Variants in KIAA1217 observed in about 807,000 individuals in gnomAD.
The protein encoded by KIAA1217 is KIAA1217.
In KIAA1217, 88 loss-of-function variants were observed where a neutral mutation model predicts 163.9. That is an observed-to-expected ratio of 0.54 (90% CI 0.45 to 0.64). The LOEUF is 0.64. Ranked by LOEUF, KIAA1217 falls within the 30% of genes least tolerant of loss-of-function variation. The pLI is 0.00. For missense variants in KIAA1217, 2,372 were observed against 2,475.0 expected, an observed-to-expected ratio of 0.96 and a Z score of 0.88; for synonymous variants, 903 against 923.1, an observed-to-expected ratio of 0.98 and a Z score of 0.39.
chr10:24,220,073 G>T (rs757058575), intron 2 of KIAA1217, among the ~76,000 whole-genome samples, 164 bp downstream of exon 2: 4 of 152,194 alleles, frequency 2.6e-5, no homozygotes, highest in African/African-American at 9.7e-5. Context: ...GAAGCCGGGT[G>T]TAGAAAACTT....
intron 2 of KIAA1217, among the ~76,000 whole-genome samples, chr10:24,203,595 A>G (rs986095675): frequency 6.8e-6 from 1 of 147,976 alleles, no homozygotes; most frequent in Non-Finnish European, 1.5e-5. Flanking sequence ...CAGCTTTGAG[A>G]AATGGCAGAG....
intron 2 of KIAA1217, among the ~76,000 whole-genome samples, chr10:24,338,780 G>C (rs2046710973): frequency 6.6e-6 from 1 of 151,362 alleles, no homozygotes; most frequent in Non-Finnish European, 1.5e-5. Flanking sequence ...TTTTTTTGTG[G>C]GCTAGGAAAT....
chr10:24,291,589 C>T (rs996034087), intron 2 of KIAA1217, among the ~76,000 whole-genome samples: 4 of 152,260 alleles, frequency 2.6e-5, no homozygotes, highest in Admixed American at 1.3e-4. Context: ...CTCTTTGGAG[C>T]GTGAGGACAC....
At chr10:23,825,365 T>A (rs929727935) in intron 1 of KIAA1217, among the ~76,000 whole-genome samples, 3 of 152,238 alleles carry the variant, frequency 2.0e-5, no homozygotes, top group Non-Finnish European at 4.4e-5. Flanking sequence ...CAGCTTTTCC[T>A]TATCTTTGCA....
At chr10:24,304,697 C>T (rs919251135) in intron 2 of KIAA1217, among the ~76,000 whole-genome samples, 6 of 152,094 alleles carry the variant, frequency 3.9e-5, no homozygotes, top group African/African-American at 1.4e-4. Context: ...TTGGGGAAGG[C>T]TTCTGTAAAG....
At chr10:24,305,855 C>A (rs1214513318) in intron 2 of KIAA1217, among the ~76,000 whole-genome samples, 1 of 152,074 alleles carries the variant, frequency 6.6e-6, no homozygotes, top group Non-Finnish European at 1.5e-5. Context: ...GCAGAGACCT[C>A]AGCCTGGAAG....
At chr10:24,136,591 A>G (rs1564742192) in intron 2 of KIAA1217, among the ~76,000 whole-genome samples, 1 of 152,166 alleles carries the variant, frequency 6.6e-6, no homozygotes, top group Non-Finnish European at 1.5e-5. Flanking sequence ...TACACTGATG[A>G]TCCCACCTTT....
At chr10:24,372,128 G>A (rs774618996) in intron 2 of KIAA1217, among the ~76,000 whole-genome samples, 4 of 152,128 alleles carry the variant, frequency 2.6e-5, no homozygotes, top group African/African-American at 9.7e-5. Context: ...CGGGGGTTTG[G>A]TCGAGGTTCT....
At chr10:23,731,194 G>A (rs111285488) in intron 1 of KIAA1217, among the ~76,000 whole-genome samples, 1 of 152,190 alleles carries the variant, frequency 6.6e-6, no homozygotes, top group African/African-American at 2.4e-5. Flanking sequence ...TAGATACTTT[G>A]AGGGAGGGGA....
chr10:24,203,035 A>T (rs562694767), intron 2 of KIAA1217, among the ~76,000 whole-genome samples: 1 of 152,218 alleles, frequency 6.6e-6, no homozygotes, highest in East Asian at 1.9e-4. Context: ...ACAAAAAAAT[A>T]TAAAATTAGC....
chr10:24,220,526 T>C (rs981346230), intron 2 of KIAA1217, among the ~76,000 whole-genome samples: 1 of 145,946 alleles, frequency 6.9e-6, no homozygotes, highest in Non-Finnish European at 1.5e-5. Context: ...GCGATCTTGG[T>C]TCACTGCAAG....
At chr10:23,735,482 G>T (rs939818382) in intron 1 of KIAA1217, among the ~76,000 whole-genome samples, 3 of 151,876 alleles carry the variant, frequency 2.0e-5, no homozygotes, top group Non-Finnish European at 4.4e-5. Flanking sequence ...TAAATCTATG[G>T]AAGTAAAATA....
intron 2 of KIAA1217, among the ~76,000 whole-genome samples, chr10:24,008,320 G>A (rs1288148172): frequency 6.6e-6 from 1 of 152,100 alleles, no homozygotes; most frequent in Non-Finnish European, 1.5e-5. Flanking sequence ...CGACATCATG[G>A]TCAGAGAATC....
At chr10:23,854,704 T>C (rs1266122706) in intron 1 of KIAA1217, among the ~76,000 whole-genome samples, 1 of 152,226 alleles carries the variant, frequency 6.6e-6, no homozygotes, top group Non-Finnish European at 1.5e-5. Context: ...GCTCTTGTAT[T>C]GGGTGCATAT....
chr10:24,230,794 G>A (rs898041459), intron 2 of KIAA1217, among the ~76,000 whole-genome samples: 3 of 152,110 alleles, frequency 2.0e-5, no homozygotes, highest in African/African-American at 4.8e-5. Flanking sequence ...GCCTCCCAAA[G>A]TGCTGGGATT....
intron 1 of KIAA1217, among the ~76,000 whole-genome samples, chr10:23,710,198 G>A (rs532488367): frequency 3.3e-5 from 5 of 152,236 alleles, no homozygotes; most frequent in African/African-American, 9.6e-5. Context: ...TTTCTAGGCC[G>A]AGGAGTCCCT....
intron 1 of KIAA1217, among the ~76,000 whole-genome samples, chr10:23,726,780 C>A (rs115499757): frequency 6.6e-6 from 1 of 151,944 alleles, no homozygotes; most frequent in South Asian, 2.1e-4. Context: ...ATTTATGCAG[C>A]CAAAAGACAC....
At chr10:24,486,490 G>T (rs2065416609) in intron 6 of KIAA1217, among the ~76,000 whole-genome samples, 1 of 152,168 alleles carries the variant, frequency 6.6e-6, no homozygotes, top group South Asian at 2.1e-4. Flanking sequence ...GCCCTGGACA[G>T]GTCAACCGTC....
Position 24,295,717 on chromosome 10 carries a change from A to T in KIAA1217, c.354+75808A>T, listed in dbSNP as rs78368452. 9.7e-3 allele frequency among the ~76,000 whole-genome samples: 1,478 copies of T among 152,126 alleles called. 28 individuals are homozygous for T. The highest frequency in any genetic ancestry group is 0.083 in the East Asian group (427 of 5,154). On this transcript the variant is annotated intron_variant, in intron 2 of 20. Coordinates refer to ENST00000376454, the MANE Select transcript of KIAA1217 (RefSeq NM_019590.5). The stretch of plus-strand genomic sequence containing the variant: ...CTGAGGGTGAAGGGTCTCTTTGTTG[A>T]CACTGGTCCCTCTGCCGGGCATCCT...
Sources: gnomAD v4.1 joint callset for allele counts (sites outside exome capture counted in the v4.1 genomes callset) on GRCh38, gnomAD v4.1.1 for gene constraint, MANE v1.5 for transcripts, NCBI Gene and HGNC (gene_info 2026-07-23, HGNC 2026-07-21) for gene names.